APC: variants seen among roughly 807,000 people sequenced by gnomAD.
APC encodes the protein APC regulator of Wnt signaling pathway.
APC carries 72 observed loss-of-function variants against 247.0 expected under a neutral mutation model. The ratio of observed to expected loss-of-function variants is 0.29; its 90% CI spans 0.24 to 0.35. APC has a LOEUF of 0.35. Ranked by LOEUF, APC falls within the 10% of genes least tolerant of loss-of-function variation. The pLI, the probability that APC is intolerant of heterozygous loss-of-function variation, is 1.00. For synonymous variants in APC, 1,254 were observed against 1,162.5 expected (o/e 1.08, Z -1.60); for missense variants, 3,400 against 3,360.7 (o/e 1.01, Z -0.29).
At position 112,841,202 on chromosome 5, in the gene APC, G is replaced by A. The variant is rs769579396; in HGVS notation, c.5608G>A (p.Asp1870Asn). The change falls in exon 16 of 16, where the codon GAT (aspartate) becomes AAT (asparagine). Residue 1870 changes from aspartate (D) to asparagine (N), a missense_variant. Physicochemically the swap from Asp to Asn is conservative, Grantham distance 23. Transcript: ENST00000257430. The surrounding 1 kb of genome is among the most constrained non-coding windows in gnomAD (Gnocchi z 4.6). ...DSLSSLDFDD[D>N]DVDLSREKAE... is the part of the protein sequence containing the mutation. ...TTTGAGTTCTCTAGATTTTGATGAT[G>A]ATGATGTTGACCTTTCCAGGGAAAA... 17 of 1,613,856 alleles carry A rather than the reference G, an allele frequency of 1.1e-5. No individual in the cohort carries two copies. The highest frequency in any genetic ancestry group is 1.4e-5 in the Non-Finnish European group (16 of 1,179,910).
At chr5:112,805,509 A>G (rs1222324981) in intron 8 of APC, among the ~76,000 whole-genome samples, 1 of 152,190 alleles carries the variant, frequency 6.6e-6, no homozygotes, top group African/African-American at 2.4e-5. Flanking sequence ...TGTTTGTATG[A>G]CACTAATGCT....
At chr5:112,718,579 C>G (rs980490159) in intron 1 of APC, among the ~76,000 whole-genome samples, 3 of 152,244 alleles carry the variant, frequency 2.0e-5, no homozygotes, top group African/African-American at 7.2e-5. Context: ...CAAGCTCAGC[C>G]TCTTAAATGC....
chr5:112,799,070 A>G (rs1480529871), intron 7 of APC, among the ~76,000 whole-genome samples: 1 of 149,564 alleles, frequency 6.7e-6, no homozygotes, highest in African/African-American at 2.5e-5. Flanking sequence ...CATAACCAGC[A>G]TGGTGGTGGG....
chr5:112,714,307 C>T (rs1751032477), intron 1 of APC, among the ~76,000 whole-genome samples: 1 of 152,194 alleles, frequency 6.6e-6, no homozygotes, highest in African/African-American at 2.4e-5. Flanking sequence ...ACAGAATTGT[C>T]CTTTCAAAAA....
chr5:112,808,963 T>C (rs1761704975), intron 8 of APC, among the ~76,000 whole-genome samples: 2 of 152,120 alleles, frequency 1.3e-5, no homozygotes, highest in Admixed American at 1.3e-4. Context: ...TTAGTAATAA[T>C]GCTAGATGAG....
chr5:112,782,775 C>T (rs899108515), intron 6 of APC, among the ~76,000 whole-genome samples: 9 of 152,026 alleles, frequency 5.9e-5, no homozygotes, highest in Non-Finnish European at 1.5e-5. Flanking sequence ...AATAAGTTTA[C>T]TGTATTAAAA....
At chr5:112,831,880 CA>C (rs1210135633) in intron 14 of APC, among the ~76,000 whole-genome samples, 2 of 152,148 alleles carry the variant, frequency 1.3e-5, no homozygotes, top group Admixed American at 1.3e-4. Context: ...TGGTTTTGAC[CA>C]AATACCTTTG....
rs1766847922 is a variant in APC at position 112,844,761 on chromosome 5, C to CA, written c.*638dup. Reference sequence around the variant, plus strand: ...TAATAATTTACACTATTTTGTGCTCCAAACAAAACAAAAATCTGTGTAACT... The same window carrying CA: ...TAATAATTTACACTATTTTGTGCTCCAAAACAAAACAAAAATCTGTGTAACT... On this transcript the variant is annotated 3_prime_UTR_variant, in exon 16 of 16. Coordinates refer to ENST00000257430, the MANE Select transcript of APC (RefSeq NM_000038.6). 8 of 231,602 alleles carry CA rather than the reference C, an allele frequency of 3.5e-5. No individual in the cohort carries two copies. The highest frequency in any genetic ancestry group is 1.8e-4 in the African/African-American group (8 of 45,236). 14.3% of individuals were successfully genotyped at this position (231,602 alleles called of 1,614,324 possible). A position where few individuals can be genotyped will look rare whatever the true frequency, so the allele number is the denominator to read the frequency against.
At chr5:112,814,630 C>T (rs17360289) in intron 8 of APC, among the ~76,000 whole-genome samples, 1 of 152,060 alleles carries the variant, frequency 6.6e-6, no homozygotes. Flanking sequence ...CTGAAAATAC[C>T]CTCTCCCTCA....
chr5:112,772,922 G>A lies in APC; in HGVS notation c.423-2707G>A, dbSNP rs374820154. On this transcript the variant is annotated intron_variant, in intron 4 of 15. Transcript: ENST00000257430. ...CACCTTGGACCTGGTAGGTCCTGCA[G>A]GTCCTCACTAGGGAAAACTGAAAAA... Among the ~76,000 whole-genome samples, 13 of 152,152 alleles carry A rather than the reference G, an allele frequency of 8.5e-5. No homozygotes were observed. In the East Asian group the frequency reaches 2.1e-3, roughly 25 times the overall value.
chr5:112,767,415 A>G (rs750125280), intron 4 of APC, 25 bp downstream of exon 4: 3 of 1,557,376 alleles, frequency 1.9e-6, no homozygotes, highest in Non-Finnish European at 2.7e-6. Context: ...TATAGTAAAC[A>G]TTGCCTTGTG....
chr5:112,833,424 G>A (rs544857706), intron 14 of APC, among the ~76,000 whole-genome samples: 7 of 151,796 alleles, frequency 4.6e-5, no homozygotes, highest in South Asian at 2.1e-4. Flanking sequence ...CTCGTGATCC[G>A]TGCACCTTGG....
chr5:112,841,252 A>G lies in APC; in HGVS notation c.5658A>G (p.Glu1886=), dbSNP rs1417046511. 4 of 1,613,846 alleles carry G rather than the reference A, an allele frequency of 2.5e-6. No individual in the cohort carries two copies. ...AGGCTGAATTAAGAAAGGCAAAAGA[A>G]AATAAGGAATCAGAGGCTAAAGTTA... ...REKAELRKAK[E]NKESEAKVTS... is the part of the protein sequence containing the mutation. The change falls in exon 16 of 16, where the codon GAA becomes GAG. Residue 1886 remains glutamate, a synonymous_variant. Coordinates refer to ENST00000257430, the MANE Select transcript of APC (RefSeq NM_000038.6). The surrounding 1 kb of genome is among the most constrained non-coding windows in gnomAD (Gnocchi z 4.6).
rs568182000 is a variant in APC at position 112,814,763 on chromosome 5, T to C, written c.835-732T>C. ...CATCTTTGAAATGACATGAGATACTTAATGATTTAACCCAACCTTTATCTC... is the reference window on the plus strand; with the variant it reads ...CATCTTTGAAATGACATGAGATACTCAATGATTTAACCCAACCTTTATCTC... On this transcript the variant is annotated intron_variant, in intron 8 of 15. Transcript: ENST00000257430. 2.6e-5 allele frequency among the ~76,000 whole-genome samples: 4 copies of C among 152,316 alleles called. No homozygotes were observed. In the South Asian group the frequency reaches 8.3e-4, roughly 32 times the overall value.
exon 1 of APC, chr5:112,707,806 G>A (rs1220969492): frequency 7.3e-7 from 1 of 1,370,638 alleles, no homozygotes; most frequent in Non-Finnish European, 9.6e-7. Context: ...ACCGGCGGCA[G>A]CAGGAGCTGC....
At chr5:112,820,504 C>T (rs1244687684) in intron 10 of APC, among the ~76,000 whole-genome samples, 2 of 151,856 alleles carry the variant, frequency 1.3e-5, no homozygotes, top group African/African-American at 2.4e-5. Flanking sequence ...ATTTAAAAAG[C>T]ATAAGAAAAA....
intron 9 of APC, among the ~76,000 whole-genome samples, chr5:112,816,152 A>G (rs1002835012): frequency 1.3e-5 from 2 of 152,116 alleles, no homozygotes; most frequent in African/African-American, 2.4e-5. Context: ...ACCACCATAA[A>G]TGTCTGTCAG....
At chr5:112,825,122 C>T (rs898950088) in intron 11 of APC, among the ~76,000 whole-genome samples, 1 of 152,158 alleles carries the variant, frequency 6.6e-6, no homozygotes, top group African/African-American at 2.4e-5. Context: ...AATCCAGTTG[C>T]TCAAATTTCA....
rs138038905 is a variant in APC, at chr5:112,821,428, G to A, written c.1313-468G>A. Among the ~76,000 whole-genome samples, 295 of 152,020 alleles carry A rather than the reference G, an allele frequency of 1.9e-3. 4 individuals are homozygous for A. The highest frequency in any genetic ancestry group is 6.8e-3 in the African/African-American group (281 of 41,478). ...AAGCTGAGGCAGGAAGGTCAATTGA[G>A]CCCAGGAATACAAGGCTGCGGTGAA... is the stretch of plus-strand genomic sequence containing the variant. On this transcript the variant is annotated intron_variant, in intron 10 of 15. Coordinates refer to ENST00000257430, the MANE Select transcript of APC (RefSeq NM_000038.6).
Sources: allele counts gnomAD v4.1 joint callset (sites outside exome capture counted in the v4.1 genomes callset), GRCh38; gene constraint gnomAD v4.1.1; non-coding constraint Gnocchi (gnomAD v3.1); transcripts MANE v1.5; gene names NCBI Gene and HGNC (gene_info 2026-07-23, HGNC 2026-07-21).